GPSM2: variants seen among roughly 807,000 people sequenced by gnomAD.
GPSM2 encodes the protein G protein signaling modulator 2.
Under a neutral mutation model 78.4 loss-of-function variants are expected in GPSM2, and 58 were observed. The observed-to-expected ratio is 0.74, with a 90% confidence interval of 0.60 to 0.92. The LOEUF is 0.92. Among genes scored for constraint, GPSM2 ranks in the 40% least tolerant of loss-of-function variants. The pLI, the probability that GPSM2 is intolerant of heterozygous loss-of-function variation, is 0.00. For missense variants in GPSM2, 700 were observed against 815.5 expected (o/e 0.86, Z 1.73); for synonymous variants, 224 against 280.2 (o/e 0.80, Z 2.00).
At position 108,934,128 on chromosome 1, in the gene GPSM2, T is replaced by C. The variant is rs1352518400; in HGVS notation, c.*4188T>C. The C allele has an allele frequency of 6.5e-6, 1 of 152,926 alleles. No individual in the cohort carries two copies. The highest frequency in any genetic ancestry group is 1.5e-5 in the Non-Finnish European group (1 of 68,600). 9.5% of individuals were successfully genotyped at this position (152,926 alleles called of 1,614,324 possible). ...AGGAACAATAAGGATGCAGGCGTAG[T>C]AATAGCTGTGGAAAAGATGAAACTA... On this transcript the variant is annotated 3_prime_UTR_variant, in exon 15 of 15. Transcript: ENST00000264126.
At chr1:108,919,913 C>T (rs1226768730) in intron 12 of GPSM2, among the ~76,000 whole-genome samples, 1 of 152,120 alleles carries the variant, frequency 6.6e-6, no homozygotes, top group Admixed American at 6.5e-5. Flanking sequence ...TGCCTGTAAT[C>T]CCAGCACTTT....
intron 12 of GPSM2, 139 bp downstream of exon 12, chr1:108,918,928 C>A: frequency 1.5e-6 from 1 of 665,224 alleles, no homozygotes; most frequent in Non-Finnish European, 2.6e-6. Flanking sequence ...CCTATCTTTT[C>A]TATCTTCTTC....
chr1:108,924,262 GAAAACA>G, intron 14 of GPSM2, 48 bp downstream of exon 14: 1 of 1,085,740 alleles, frequency 9.2e-7, no homozygotes, highest in Non-Finnish European at 1.4e-6. Context: ...AGATACCACT[GAAAACA>G]TTGGTAGTGT....
chr1:108,928,327 C>T (rs1651314221), intron 14 of GPSM2, among the ~76,000 whole-genome samples: 1 of 152,204 alleles, frequency 6.6e-6, no homozygotes, highest in Non-Finnish European at 1.5e-5. Flanking sequence ...AGGATGAGGA[C>T]ATTCAATCAG....
intron 1 of GPSM2, among the ~76,000 whole-genome samples, chr1:108,878,103 A>C (rs754113770): frequency 1.9e-4 from 29 of 152,332 alleles, no homozygotes; most frequent in Admixed American, 3.9e-4. Context: ...GGTGTACCGA[A>C]GATTTCTGGC....
At position 108,923,864 on chromosome 1, in the gene GPSM2, C is replaced by T. The variant is rs936261406; in HGVS notation, c.1601-136C>T. ...TAGCCAAAGCCCATCAGTGTCAGCG[C>T]TATAGCAGGAGGGCAGGGCGGGTCT... On this transcript the variant is annotated intron_variant, in intron 13 of 14. Coordinates refer to ENST00000264126, the MANE Select transcript of GPSM2 (RefSeq NM_013296.5). 8 of 698,560 alleles carry T rather than the reference C, an allele frequency of 1.1e-5. No homozygotes were observed. In the African/African-American group the frequency reaches 1.4e-4, roughly 12 times the overall value. 43.3% of individuals were successfully genotyped at this position (698,560 alleles called of 1,614,324 possible). A position where few individuals can be genotyped will look rare whatever the true frequency, so the allele number is the denominator to read the frequency against.
At chr1:108,918,499 T>C (rs1650449412) in intron 11 of GPSM2, 114 bp from the exon 12 acceptor site, 2 of 771,226 alleles carry the variant, frequency 2.6e-6, no homozygotes, top group Admixed American at 4.6e-5. Context: ...AAATTCTTCC[T>C]CTCTCCCCCA....
intron 9 of GPSM2, 67 bp downstream of exon 9, chr1:108,903,301 C>T: frequency 1.2e-6 from 1 of 829,228 alleles, no homozygotes; most frequent in South Asian, 1.4e-5. Context: ...GGGGAGGGAA[C>T]CCTATTTCTC....
rs147906282 is a variant in GPSM2, at chr1:108,922,448, G to T, written c.1472G>T (p.Gly491Val). 18 of 1,612,046 alleles carry T rather than the reference G, an allele frequency of 1.1e-5. No homozygotes were observed. The highest frequency in any genetic ancestry group is 5.0e-5 in the Admixed American group (3 of 60,006). ...AGTGCAGATACTATTGGAGATGAAGGGTTCTTTGACTTATTAAGCCGATTT... is the reference window on the plus strand; with the variant it reads ...AGTGCAGATACTATTGGAGATGAAGTGTTCTTTGACTTATTAAGCCGATTT... ...KISADTIGDEGFFDLLSRFQS... is the reference protein window; with the variant it reads ...KISADTIGDEVFFDLLSRFQS... Residue 491 changes from glycine (G) to valine (V), a missense_variant, in exon 13 of 15, where the codon GGG becomes GTG. Physicochemically the swap from Gly to Val is moderately radical, Grantham distance 109 (BLOSUM62 -3). Coordinates refer to ENST00000264126, the MANE Select transcript of GPSM2 (RefSeq NM_013296.5).
At chr1:108,906,132 T>C (rs894040930) in intron 10 of GPSM2, among the ~76,000 whole-genome samples, 3 of 152,212 alleles carry the variant, frequency 2.0e-5, no homozygotes. Flanking sequence ...CCTAAACATG[T>C]TCTTCCTGTA....
rs532635046 is a variant in GPSM2 at position 108,897,876 on chromosome 1, G to A, written c.415-83G>A. 5.2e-5 allele frequency: 75 copies of A among 1,439,156 alleles called. No individual in the cohort carries two copies. Among genetic ancestry groups the A allele is most frequent in the Admixed American group, 1.8e-4 (10 of 55,338 alleles). 89.1% of individuals were successfully genotyped at this position (1,439,156 alleles called of 1,614,324 possible). On this transcript the variant is annotated intron_variant, in intron 4 of 14. Transcript: ENST00000264126. Reference sequence around the variant, plus strand: ...ATATAAAAATTTTTTTCCCTTGTCCGTAATACTAAGGATATTACAAATATA... The same window carrying A: ...ATATAAAAATTTTTTTCCCTTGTCCATAATACTAAGGATATTACAAATATA...
chr1:108,893,932 G>A (rs904774783), intron 2 of GPSM2, among the ~76,000 whole-genome samples: 1 of 152,080 alleles, frequency 6.6e-6, no homozygotes, highest in African/African-American at 2.4e-5. Context: ...GTGCATGCCT[G>A]TAATCCCAGC....
At position 108,898,065 on chromosome 1, in the gene GPSM2, T is replaced by G. The variant is rs1321579357; in HGVS notation, c.521T>G (p.Val174Gly). 1 of 1,613,938 alleles carries G rather than the reference T, an allele frequency of 6.2e-7. No homozygotes were observed. Among genetic ancestry groups the G allele is most frequent in the Non-Finnish European group, 8.5e-7 (1 of 1,179,960 alleles). Reference protein sequence around the residue: ...PQDVGEFPEEVRDALQAAVDF... With the variant: ...PQDVGEFPEEGRDALQAAVDF... ...GATGTAGGAGAATTTCCAGAAGAAG[T>G]GAGAGATGCTCTGCAGGCAGCCGTG... Residue 174 changes from valine (V) to glycine (G), a missense_variant, in exon 5 of 15, where the codon GTG becomes GGG. Val to Gly is a moderately radical substitution (Grantham distance 109, BLOSUM62 -3). Transcript: ENST00000264126.
In GPSM2 at chr1:108,932,046, G is replaced by A. The variant is rs574134669; in HGVS notation, c.*2106G>A. ...CCAGCACTTTGGGAGGCCGACAAGG[G>A]CGGGTCACTTGAGGTCAGGAGTTCG... On this transcript the variant is annotated 3_prime_UTR_variant, in exon 15 of 15. Transcript: ENST00000264126. 6.6e-6 allele frequency: 1 copy of A among 152,488 alleles called. No homozygotes were observed. The highest frequency in any genetic ancestry group is 6.5e-5 in the Admixed American group (1 of 15,310). 9.4% of individuals were successfully genotyped at this position (152,488 alleles called of 1,614,324 possible).
intron 8 of GPSM2, among the ~76,000 whole-genome samples, chr1:108,902,373 G>A (rs1402115482): frequency 7.0e-6 from 1 of 142,642 alleles, no homozygotes; most frequent in East Asian, 2.0e-4. Context: ...GAGCAAGACT[G>A]CATCTCAAAA....
intron 12 of GPSM2, among the ~76,000 whole-genome samples, chr1:108,922,140 T>G (rs1353980404): frequency 6.6e-6 from 1 of 152,238 alleles, no homozygotes; most frequent in Non-Finnish European, 1.5e-5. Context: ...AGTACAGGCC[T>G]GTATCACCAG....
chr1:108,885,645 AC>A, intron 2 of GPSM2, 67 bp downstream of exon 2: 1 of 930,730 alleles, frequency 1.1e-6, no homozygotes, highest in Non-Finnish European at 1.8e-6. Flanking sequence ...AACTCTGATG[AC>A]CATTTCAAGT....
At chr1:108,908,657 G>C (rs1649449489) in intron 10 of GPSM2, among the ~76,000 whole-genome samples, 2 of 147,760 alleles carry the variant, frequency 1.4e-5, no homozygotes, top group African/African-American at 5.2e-5. Context: ...CCGACAGAGA[G>C]AGACTCCGTC....
intron 10 of GPSM2, among the ~76,000 whole-genome samples, chr1:108,913,171 C>T (rs1348575449): frequency 6.6e-6 from 1 of 152,132 alleles, no homozygotes; most frequent in African/African-American, 2.4e-5. Context: ...CTGGATGATC[C>T]AGCTGTTTCA....
Sources: gnomAD v4.1 joint callset for allele counts (sites outside exome capture counted in the v4.1 genomes callset) on GRCh38, gnomAD v4.1.1 for gene constraint, MANE v1.5 for transcripts, NCBI Gene and HGNC (gene_info 2026-07-23, HGNC 2026-07-21) for gene names.